The following CDH17 variants were observed in gnomAD, a reference collection of about 807,000 sequenced individuals.
CDH17 encodes the protein cadherin-17.
Under a neutral mutation model 86.3 loss-of-function variants are expected in CDH17, and 67 were observed. The ratio of observed to expected loss-of-function variants is 0.78; its 90% confidence interval spans 0.64 to 0.95. The LOEUF (loss-of-function observed/expected upper bound fraction) is 0.95. Among genes scored for constraint, CDH17 ranks in the 40% least tolerant of loss-of-function variants. The pLI, the probability that CDH17 is intolerant of heterozygous loss-of-function variation, is 0.00. For missense variants in CDH17, 993 were observed against 1,017.6 expected, an observed-to-expected ratio of 0.98 and a Z score of 0.33; for synonymous variants, 367 against 366.4, an observed-to-expected ratio of 1.00 and a Z score of -0.02.
At chr8:94,206,941 C>T (rs1474583627) in intron 1 of CDH17, among the ~76,000 whole-genome samples, 1 of 152,066 alleles carries the variant, frequency 6.6e-6, no homozygotes, top group Non-Finnish European at 1.5e-5. Flanking sequence ...CCACCACACC[C>T]AGCCATATTT....
chr8:94,210,226 TAAAAAAAA>T (rs71567010), upstream of CDH17, among the ~76,000 whole-genome samples: 47 of 53,462 alleles, frequency 8.8e-4, no homozygotes, highest in Middle Eastern at 0.018. Flanking sequence ...TTTATGCGAG[TAAAAAAAA>T]AAAAAAAAAA....
chr8:94,153,509 G>T (rs1812893340), intron 12 of CDH17, among the ~76,000 whole-genome samples: 1 of 152,056 alleles, frequency 6.6e-6, no homozygotes, highest in Non-Finnish European at 1.5e-5. Context: ...CCCACTACTG[G>T]GTATATAAAG....
intron 9 of CDH17, among the ~76,000 whole-genome samples, chr8:94,168,122 A>ACG (rs1563576860): frequency 5.0e-5 from 2 of 40,390 alleles, no homozygotes; most frequent in African/African-American, 1.6e-4. Context: ...ATATATATAT[A>ACG]TATATATATA....
In CDH17 at chr8:94,170,957, T is replaced by C. The variant is rs754645860; in HGVS notation, c.812A>G (p.Tyr271Cys). ...QVRWNDPGAQ[Y>C]SLVDKEKLPR... is the part of the protein sequence containing the mutation. ...CAGCTTCTCTTTGTCAACTAAGGAATATTGTGCACCGGGATCATTCCACCG... is the reference window on the plus strand; with the variant it reads ...CAGCTTCTCTTTGTCAACTAAGGAACATTGTGCACCGGGATCATTCCACCG... The change falls in exon 8 of 18, where the codon TAT becomes TGT. Residue 271 changes from tyrosine (Y) to cysteine (C), a missense_variant. By Grantham distance (194) the Tyr-to-Cys change is radical. Coordinates refer to ENST00000027335, the MANE Select transcript of CDH17 (RefSeq NM_004063.4). 3.1e-6 allele frequency: 5 copies of C among 1,613,666 alleles called. No homozygotes were observed. Among genetic ancestry groups the C allele is most frequent in the Non-Finnish European group, 4.2e-6 (5 of 1,179,804 alleles).
chr8:94,194,552 G>T, intron 2 of CDH17, 83 bp downstream of exon 2: 1 of 890,028 alleles, frequency 1.1e-6, no homozygotes, highest in Non-Finnish European at 1.8e-6. Context: ...AGTAATAATA[G>T]CCATTCTTTC....
intron 11 of CDH17, among the ~76,000 whole-genome samples, chr8:94,161,376 G>A (rs1813048124): frequency 6.6e-6 from 1 of 152,052 alleles, no homozygotes; most frequent in African/African-American, 2.4e-5. Context: ...TCATCACAGG[G>A]CTCTGGGCTG....
chr8:94,135,721 G>A (rs1203019118), intron 15 of CDH17, among the ~76,000 whole-genome samples: 1 of 152,120 alleles, frequency 6.6e-6, no homozygotes, highest in Non-Finnish European at 1.5e-5. Flanking sequence ...TATTTTGCCT[G>A]TTAATTGATA....
chr8:94,181,435 G>T (rs1459325734), intron 3 of CDH17, among the ~76,000 whole-genome samples: 1 of 151,942 alleles, frequency 6.6e-6, no homozygotes, highest in Admixed American at 6.6e-5. Context: ...AATTTAAAGG[G>T]ATTGAAGTTA....
Position 94,200,630 on chromosome 8 carries a change from A to G in CDH17, c.-20-5925T>C, listed in dbSNP as rs148347148. Among the ~76,000 whole-genome samples, 1,045 of 141,750 alleles carry G rather than the reference A, an allele frequency of 7.4e-3. 11 individuals are homozygous for G. Among genetic ancestry groups the G allele is most frequent in the African/African-American group, 0.026 (979 of 37,860 alleles). The allele number at this position is 141,750 out of a possible 152,430, so 93.0% of individuals were successfully genotyped here. The stretch of plus-strand genomic sequence containing the variant: ...CCAAACTGTGGCTGCCCCTCACCCA[A>G]TGGGCACCACCATGACCACCACTTG... On this transcript the variant is annotated intron_variant, in intron 1 of 17. Transcript: ENST00000027335.
intron 1 of CDH17, among the ~76,000 whole-genome samples, chr8:94,204,346 TG>T (rs1813982330): frequency 2.0e-5 from 3 of 152,112 alleles, no homozygotes; most frequent in Admixed American, 2.0e-4. Context: ...TGTTCCCCTG[TG>T]TCATGTGTTC....
At chr8:94,136,035 A>T (rs1244449773) in intron 15 of CDH17, among the ~76,000 whole-genome samples, 1 of 152,184 alleles carries the variant, frequency 6.6e-6, no homozygotes, top group Non-Finnish European at 1.5e-5. Context: ...TGTTAGTCTG[A>T]TGGGCTTCCC....
intron 11 of CDH17, among the ~76,000 whole-genome samples, chr8:94,161,847 G>T (rs1424742514): frequency 6.6e-6 from 1 of 152,092 alleles, no homozygotes; most frequent in Non-Finnish European, 1.5e-5. Context: ...GCAGCCCTTG[G>T]AATAAATGAG....
Position 94,176,682 on chromosome 8 carries a change from G to C in CDH17, c.286-3C>G. The C allele has an allele frequency of 6.2e-7, 1 of 1,608,578 alleles. No homozygotes were observed. Among genetic ancestry groups the C allele is most frequent in the South Asian group, 1.1e-5 (1 of 89,724 alleles). ...CCATTAGCGTCCAGGGCTGCAACCTGATGTTGAGGAAAAGGAAACCATGTT... is the reference window on the plus strand; with the variant it reads ...CCATTAGCGTCCAGGGCTGCAACCTCATGTTGAGGAAAAGGAAACCATGTT... On this transcript the variant is annotated splice_polypyrimidine_tract_variant and splice_region_variant and intron_variant, in intron 4 of 17. Coordinates refer to ENST00000027335, the MANE Select transcript of CDH17 (RefSeq NM_004063.4).
chr8:94,148,592 T>A (rs1812793282), intron 14 of CDH17, 152 bp downstream of exon 14: 2 of 474,252 alleles, frequency 4.2e-6, no homozygotes, highest in East Asian at 7.7e-5. Flanking sequence ...CACTCCCTTA[T>A]ATTTTGTACC....
chr8:94,166,417 TCATTA>T (rs1375530213), intron 9 of CDH17, among the ~76,000 whole-genome samples: 1 of 152,224 alleles, frequency 6.6e-6, no homozygotes, highest in East Asian at 1.9e-4. Flanking sequence ...CATTTTACTT[TCATTA>T]CCTCTTTTAA....
intron 15 of CDH17, among the ~76,000 whole-genome samples, chr8:94,134,671 C>T (rs4545063): frequency 0.22 from 32,771 of 151,894 alleles, 4,007 homozygotes; most frequent in East Asian, 0.55. Flanking sequence ...CAGTTCTGTT[C>T]TGATCTTAGT....
intron 3 of CDH17, among the ~76,000 whole-genome samples, chr8:94,181,584 G>A (rs1022623236): frequency 1.3e-5 from 2 of 151,968 alleles, no homozygotes; most frequent in Non-Finnish European, 2.9e-5. Context: ...ATACTTTGAT[G>A]TAAATGAAAA....
intron 15 of CDH17, among the ~76,000 whole-genome samples, chr8:94,139,213 G>C (rs147482601): frequency 1.3e-3 from 192 of 152,206 alleles, no homozygotes; most frequent in Non-Finnish European, 3.2e-4. Flanking sequence ...AATAGACTAG[G>C]TTGGATGAAT....
At chr8:94,199,083 A>ATTTT (rs71510475) in intron 1 of CDH17, among the ~76,000 whole-genome samples, 182 of 23,086 alleles carry the variant, frequency 7.9e-3, no homozygotes, top group Non-Finnish European at 0.014. Flanking sequence ...ATATATATAT[A>ATTTT]TTTTTTTTTT....
Sources: gnomAD v4.1 joint callset for allele counts (sites outside exome capture counted in the v4.1 genomes callset) on GRCh38, gnomAD v4.1.1 for gene constraint, MANE v1.5 for transcripts, NCBI Gene and HGNC (gene_info 2026-07-23, HGNC 2026-07-21) for gene names.